The following RNASEH1 variants were observed in gnomAD, a reference collection of about 807,000 sequenced individuals.
RNASEH1 encodes the protein ribonuclease H type II.
In RNASEH1, 27 loss-of-function variants were observed where a neutral mutation model predicts 34.6. That is an observed-to-expected ratio of 0.78 (90% CI 0.58 to 1.08). RNASEH1 has a LOEUF of 1.08. RNASEH1 is among the 50% of genes least tolerant of loss of function. The probability of loss-of-function intolerance (pLI) is 0.00; values close to 1 mark genes in which losing one functional copy is unlikely to be tolerated. For missense variants in RNASEH1, 349 were observed against 373.6 expected (o/e 0.93, Z 0.54); for synonymous variants, 162 against 138.4 (o/e 1.17, Z -1.20).
At chr2:3,549,948 GAAA>G (rs369750124) in intron 4 of RNASEH1, among the ~76,000 whole-genome samples, 1 of 124,598 alleles carries the variant, frequency 8.0e-6, no homozygotes, top group Non-Finnish European at 1.7e-5. Flanking sequence ...TCCGTCTCAG[GAAA>G]AAAAAAAAAA....
intron 3 of RNASEH1, among the ~76,000 whole-genome samples, chr2:3,551,397 GGTCA>G (rs1321086985): frequency 7.2e-5 from 11 of 152,164 alleles, no homozygotes; most frequent in Non-Finnish European, 5.9e-5. Flanking sequence ...CTCCAGCAAT[GGTCA>G]GTGTCTGGAA....
intron 1 of RNASEH1, 56 bp downstream of exon 1, chr2:3,558,077 G>T: frequency 6.5e-7 from 1 of 1,527,310 alleles, no homozygotes; most frequent in Non-Finnish European, 8.8e-7. Flanking sequence ...GCCGGGCTCC[G>T]GCCTCCCTCG....
the RNASEH1 span, chr2:3,532,413 T>A: frequency 1.0e-5 from 7 of 699,012 alleles, no homozygotes; most frequent in South Asian, 1.0e-4. Context: ...CACTGAAACA[T>A]GCTGAGTGCT....
At chr2:3,535,181 G>A in the RNASEH1 span, among the ~76,000 whole-genome samples, 13 of 152,212 alleles carry the variant, frequency 8.5e-5, no homozygotes, top group African/African-American at 1.4e-4. Context: ...ACTTGGGGAC[G>A]GTGAGGCAGG....
At chr2:3,550,142 TAAAA>T (rs1162099553) in intron 4 of RNASEH1, 4,005 of 237,464 alleles carry the variant, frequency 0.017, no homozygotes, top group Middle Eastern at 0.031. Flanking sequence ...GACCGTGTCT[TAAAA>T]AAAAAAAAAA....
chr2:3,557,924 A>T, intron 1 of RNASEH1: 2 of 1,530,360 alleles, frequency 1.3e-6, no homozygotes, highest in Non-Finnish European at 1.8e-6. Flanking sequence ...TATTTCAAAC[A>T]AGTCTTCGGT....
rs904367363 is a variant in RNASEH1, at chr2:3,548,989, A to G, written c.564+69T>C. The G allele has an allele frequency of 5.7e-6, 7 of 1,238,164 alleles. No individual in the cohort carries two copies. In the African/African-American group the frequency reaches 1.1e-4, roughly 19 times the overall value. 76.7% of individuals were successfully genotyped at this position (1,238,164 alleles called of 1,614,324 possible). Reference sequence around the variant, plus strand: ...ATATGTATAGGTAGAAAAAAAAAGAATTAGTTTATTTGATAATTTCATACT... The same window carrying G: ...ATATGTATAGGTAGAAAAAAAAAGAGTTAGTTTATTTGATAATTTCATACT... On this transcript the variant is annotated intron_variant, in intron 5 of 7. Coordinates refer to ENST00000315212, the MANE Select transcript of RNASEH1 (RefSeq NM_002936.6).
intron 2 of RNASEH1, among the ~76,000 whole-genome samples, chr2:3,553,461 G>A (rs1028241717): frequency 2.0e-5 from 3 of 151,782 alleles, no homozygotes; most frequent in African/African-American, 4.8e-5. Flanking sequence ...CGCGATCGTG[G>A]CTCACTGCAA....
intron 2 of RNASEH1, among the ~76,000 whole-genome samples, chr2:3,555,276 A>G (rs1660374266): frequency 6.6e-6 from 1 of 151,740 alleles, no homozygotes; most frequent in Non-Finnish European, 1.5e-5. Flanking sequence ...CTAGTCCACC[A>G]TCTTCTTGAC....
At chr2:3,540,514 T>C (rs1668237273), downstream of RNASEH1, among the ~76,000 whole-genome samples, 1 of 152,194 alleles carries the variant, frequency 6.6e-6, no homozygotes, top group Admixed American at 6.5e-5. Flanking sequence ...GTTCAAGCAA[T>C]TCTCCTGCCT....
intron 3 of RNASEH1, among the ~76,000 whole-genome samples, chr2:3,551,594 G>A (rs1259420780): frequency 6.6e-6 from 1 of 152,108 alleles, no homozygotes; most frequent in African/African-American, 2.4e-5. Flanking sequence ...TAAATATACT[G>A]ATTTATATTT....
chr2:3,532,160 G>C, the RNASEH1 span: 4 of 672,144 alleles, frequency 6.0e-6, no homozygotes, highest in Non-Finnish European at 8.1e-6. Context: ...TTCCGTGTCA[G>C]CTAACACTTT....
chr2:3,551,165 C>T (rs976197431), intron 3 of RNASEH1, among the ~76,000 whole-genome samples: 10 of 152,212 alleles, frequency 6.6e-5, no homozygotes, highest in African/African-American at 2.2e-4. Context: ...AGTACTTGTC[C>T]GAAGGACGGC....
chr2:3,544,668 T>C lies in RNASEH1; in HGVS notation c.*1117A>G, dbSNP rs1334737446. The C allele has an allele frequency of 6.6e-6, 1 of 152,212 alleles. No individual in the cohort carries two copies. The highest frequency in any genetic ancestry group is 2.4e-5 in the African/African-American group (1 of 41,450). 9.4% of individuals were successfully genotyped at this position (152,212 alleles called of 1,614,324 possible). On this transcript the variant is annotated 3_prime_UTR_variant, in exon 8 of 8. Coordinates refer to ENST00000315212, the MANE Select transcript of RNASEH1 (RefSeq NM_002936.6). ...TGGTGGACACAAAGGTTATTCACCT[T>C]ACAATCATAATCATTCAATAAGCTA...
chr2:3,553,002 G>C (rs1019570721), intron 2 of RNASEH1, among the ~76,000 whole-genome samples: 2 of 152,050 alleles, frequency 1.3e-5, no homozygotes, highest in Admixed American at 1.3e-4. Context: ...AGGAAAACAG[G>C]GCTGGGAAGC....
chr2:3,548,927 A>T, intron 5 of RNASEH1, 131 bp downstream of exon 5: 1 of 915,118 alleles, frequency 1.1e-6, no homozygotes, highest in Non-Finnish European at 1.7e-6. Context: ...CCTATTTTTC[A>T]AAATTGTTAT....
intron 3 of RNASEH1, among the ~76,000 whole-genome samples, chr2:3,551,792 G>A (rs1172682999): frequency 6.6e-6 from 1 of 152,164 alleles, no homozygotes; most frequent in African/African-American, 2.4e-5. Flanking sequence ...AGGTTAAAAT[G>A]CTGGTGCTAA....
chr2:3,552,049 C>A, intron 3 of RNASEH1, 95 bp downstream of exon 3: 1 of 920,240 alleles, frequency 1.1e-6, no homozygotes, highest in African/African-American at 1.7e-5. Context: ...TGATAAACAC[C>A]AGCTCAAACT....
Position 3,548,743 on chromosome 2 carries a change from T to C in RNASEH1, c.565-19A>G, listed in dbSNP as rs750515420. On this transcript the variant is annotated intron_variant, in intron 5 of 7. Transcript: ENST00000315212. ...AGGCTGCCTTGAAAAGACAAGTCGA[T>C]AGTCATGCTACAGAAAATGTTCAAC... is the stretch of plus-strand genomic sequence containing the variant. 7.0e-6 allele frequency: 11 copies of C among 1,573,258 alleles called. No homozygotes were observed. Among genetic ancestry groups the C allele is most frequent in the Admixed American group, 1.7e-5 (1 of 58,764 alleles).
Sources: allele counts gnomAD v4.1 joint callset (sites outside exome capture counted in the v4.1 genomes callset), GRCh38; gene constraint gnomAD v4.1.1; transcripts MANE v1.5; gene names NCBI Gene and HGNC (gene_info 2026-07-23, HGNC 2026-07-21).